SORCS1: variants seen among roughly 807,000 people sequenced by gnomAD.
The protein encoded by SORCS1 is sortilin related VPS10 domain containing receptor 1, also known as VPS10 domain-containing receptor SorCS1.
Under a neutral mutation model 146.1 loss-of-function variants are expected in SORCS1, and 60 were observed. The observed-to-expected ratio is 0.41, with a 90% CI of 0.33 to 0.51. The LOEUF is 0.51. SORCS1 is among the 20% of genes least tolerant of loss of function. SORCS1 has a pLI of 0.21. For synonymous variants in SORCS1, 637 were observed against 584.0 expected (o/e 1.09, Z -1.31); for missense variants, 1,352 against 1,487.6 (o/e 0.91, Z 1.50).
At chr10:106,967,601 A>G (rs914677426) in intron 1 of SORCS1, among the ~76,000 whole-genome samples, 1 of 152,162 alleles carries the variant, frequency 6.6e-6, no homozygotes, top group Non-Finnish European at 1.5e-5. Flanking sequence ...GAATAGGGGG[A>G]GAAGCTGGCA....
At position 106,930,281 on chromosome 10, in the gene SORCS1, C is replaced by CT. The variant is rs1953347624; in HGVS notation, c.626+26231dup. ...TGGGCGACAGAGCGAGACTCTGTCTCTAAAAAAAAAAAACAAAAAAACAAA... is the reference window on the plus strand; with the variant it reads ...TGGGCGACAGAGCGAGACTCTGTCTCTTAAAAAAAAAAAACAAAAAAACAAA... On this transcript the variant is annotated intron_variant, in intron 2 of 25. Transcript: ENST00000263054. 2.1e-5 allele frequency among the ~76,000 whole-genome samples: 3 copies of CT among 145,814 alleles called. No homozygotes were observed. In the South Asian group the frequency reaches 6.5e-4, roughly 32 times the overall value.
intron 3 of SORCS1, among the ~76,000 whole-genome samples, chr10:106,825,998 T>G (rs1263580940): frequency 3.3e-5 from 5 of 152,240 alleles, no homozygotes; most frequent in Non-Finnish European, 5.9e-5. Context: ...GCTGCTGTAA[T>G]TTACAGCAGG....
intron 1 of SORCS1, among the ~76,000 whole-genome samples, chr10:107,146,239 T>C (rs1223707698): frequency 6.6e-6 from 1 of 152,214 alleles, no homozygotes; most frequent in African/African-American, 2.4e-5. Flanking sequence ...ATGTCCATGA[T>C]AAGGAGAATC....
At chr10:106,892,895 C>CTTTT (rs11352487) in intron 2 of SORCS1, among the ~76,000 whole-genome samples, 5,351 of 137,056 alleles carry the variant, frequency 0.039, 354 homozygotes, top group African/African-American at 0.14. Flanking sequence ...TTGGAAAGCC[C>CTTTT]TTTTTTTTTT....
intron 2 of SORCS1, among the ~76,000 whole-genome samples, chr10:106,890,912 C>A (rs1159157757): frequency 1.3e-5 from 2 of 151,966 alleles, no homozygotes. Context: ...GAGTTCAGAG[C>A]ATCGATTCTA....
chr10:106,802,112 T>A (rs1397357972), intron 3 of SORCS1, among the ~76,000 whole-genome samples: 1 of 152,192 alleles, frequency 6.6e-6, no homozygotes, highest in Non-Finnish European at 1.5e-5. Flanking sequence ...CAAGTACATG[T>A]CATATCTTCT....
intron 5 of SORCS1, among the ~76,000 whole-genome samples, chr10:106,745,942 C>G (rs1857706541): frequency 1.3e-5 from 2 of 152,180 alleles, no homozygotes; most frequent in Admixed American, 1.3e-4. Flanking sequence ...TTCTTCCCAA[C>G]AATCTATAAC....
At chr10:106,672,122 T>C (rs547255772) in intron 15 of SORCS1, among the ~76,000 whole-genome samples, 14 of 152,326 alleles carry the variant, frequency 9.2e-5, no homozygotes, top group African/African-American at 3.4e-4. Context: ...AAACTCACTT[T>C]AACTGGCTTC....
intron 1 of SORCS1, among the ~76,000 whole-genome samples, chr10:107,086,673 C>G (rs1371884032): frequency 6.6e-6 from 1 of 152,126 alleles, no homozygotes; most frequent in South Asian, 2.1e-4. Context: ...TATTAAGTGA[C>G]CTACCAGCAT....
In SORCS1 at chr10:107,164,483, C is replaced by G; in HGVS notation, c.44G>C (p.Ser15Thr). Residue 15 changes from serine (S) to threonine (T), a missense_variant, in exon 1 of 26, where the codon AGC becomes ACC. By Grantham distance (58) the Ser-to-Thr change is moderately conservative. Transcript: ENST00000263054. The surrounding 1 kb of genome is among the most constrained non-coding windows in gnomAD (Gnocchi z 6.8). ...GAGCCCCGCGCCGGCGAGGAGCGCG[C>G]TCAGCCGGGCTTGGGAGCCGCCGCC... Reference protein sequence around the residue: ...GAGGGSQARLSALLAGAGLLI... With the variant: ...GAGGGSQARLTALLAGAGLLI... 1 of 1,362,416 alleles carries G rather than the reference C, an allele frequency of 7.3e-7. No homozygotes were observed. Among genetic ancestry groups the G allele is most frequent in the South Asian group, 1.8e-5 (1 of 55,456 alleles). The allele number at this position is 1,362,416 out of a possible 1,614,324, so 84.4% of individuals were successfully genotyped here. A position where few individuals can be genotyped will look rare whatever the true frequency, so the allele number is the denominator to read the frequency against.
intron 1 of SORCS1, among the ~76,000 whole-genome samples, chr10:107,153,025 T>C (rs1311312434): frequency 1.3e-5 from 2 of 152,166 alleles, no homozygotes; most frequent in African/African-American, 2.4e-5. Flanking sequence ...TGTCTCTCTC[T>C]GCCTTTGTCA....
intron 1 of SORCS1, among the ~76,000 whole-genome samples, chr10:107,127,317 T>G (rs1039788247): frequency 6.6e-6 from 1 of 152,058 alleles, no homozygotes; most frequent in Non-Finnish European, 1.5e-5. Flanking sequence ...TCCCTTACTT[T>G]CAGCACCATA....
chr10:107,132,161 C>A (rs984326481), intron 1 of SORCS1, among the ~76,000 whole-genome samples: 1 of 152,134 alleles, frequency 6.6e-6, no homozygotes, highest in Non-Finnish European at 1.5e-5. Flanking sequence ...CCTCTTCTTT[C>A]TCTTTTCTCT....
At chr10:106,641,511 T>C (rs1385420623) in intron 18 of SORCS1, among the ~76,000 whole-genome samples, 2 of 152,172 alleles carry the variant, frequency 1.3e-5, no homozygotes, top group Non-Finnish European at 2.9e-5. Context: ...TAGGAAAGGA[T>C]TAAGGAAGAG....
intron 1 of SORCS1, among the ~76,000 whole-genome samples, chr10:107,072,237 C>T (rs1434598297): frequency 2.0e-5 from 3 of 152,328 alleles, no homozygotes; most frequent in Admixed American, 6.5e-5. Context: ...AACAGGGAGC[C>T]TGCAGGCAAA....
chr10:107,020,860 A>T (rs993454171), intron 1 of SORCS1, among the ~76,000 whole-genome samples: 1 of 152,178 alleles, frequency 6.6e-6, no homozygotes, highest in African/African-American at 2.4e-5. Flanking sequence ...ACAGCACTAA[A>T]TTCTCAACTT....
intron 1 of SORCS1, among the ~76,000 whole-genome samples, chr10:107,013,713 C>A (rs944771295): frequency 1.1e-4 from 17 of 152,238 alleles, no homozygotes; most frequent in African/African-American, 3.9e-4. Flanking sequence ...ATAAAACATC[C>A]ACTGTGCAAT....
intron 2 of SORCS1, among the ~76,000 whole-genome samples, chr10:106,900,462 C>T (rs1951658592): frequency 6.6e-6 from 1 of 152,130 alleles, no homozygotes; most frequent in African/African-American, 2.4e-5. Context: ...TCAGACAGCA[C>T]ATGCAGGTGA....
chr10:107,032,367 G>A (rs892745842), intron 1 of SORCS1, among the ~76,000 whole-genome samples: 3 of 152,172 alleles, frequency 2.0e-5, no homozygotes, highest in Admixed American at 1.3e-4. Flanking sequence ...GATCCCCGCA[G>A]TGTTCATTGT....
Sources: gnomAD v4.1 joint callset for allele counts (sites outside exome capture counted in the v4.1 genomes callset) on GRCh38, gnomAD v4.1.1 for gene constraint, Gnocchi (gnomAD v3.1) non-coding constraint, MANE v1.5 for transcripts, NCBI Gene and HGNC (gene_info 2026-07-23, HGNC 2026-07-21) for gene names.